AADAC: variants seen among roughly 807,000 people sequenced by gnomAD.
The protein encoded by AADAC is arylacetamide deacetylase.
In AADAC, 17 loss-of-function variants were observed where a neutral mutation model predicts 22.7. The ratio of observed to expected loss-of-function variants is 0.75; its 90% CI spans 0.51 to 1.12. AADAC has a LOEUF of 1.12. Among genes scored for constraint, AADAC ranks in the 50% most tolerant of loss-of-function variants. The pLI, the probability that AADAC is intolerant of heterozygous loss-of-function variation, is 0.00. For missense variants in AADAC, 465 were observed against 473.9 expected (o/e 0.98, Z 0.17); for synonymous variants, 167 against 176.3 (o/e 0.95, Z 0.42).
intron 4 of AADAC, 96 bp downstream of exon 4, chr3:151,824,930 A>C: frequency 1.0e-6 from 1 of 986,508 alleles, no homozygotes; most frequent in Non-Finnish European, 1.4e-6. Context: ...TTAAAATATG[A>C]ATGCAAATAG....
At position 151,818,426 on chromosome 3, in the gene AADAC, T is replaced by C. The variant is rs150477833; in HGVS notation, c.361+838T>C. On this transcript the variant is annotated intron_variant, in intron 2 of 4. Coordinates refer to ENST00000232892, the MANE Select transcript of AADAC (RefSeq NM_001086.3). ...ACAAATTAAATTTAACAGAGTTTAA[T>C]TGAGCAAAGAACTACTTGTGGATCA... Among the ~76,000 whole-genome samples the C allele has an allele frequency of 1.1e-4, 17 of 152,148 alleles. No individual in the cohort carries two copies. The East Asian group carries it at 2.1e-3, about 19-fold the overall frequency.
At position 151,820,730 on chromosome 3, in the gene AADAC, C is replaced by T. The variant is rs1169108279; in HGVS notation, c.431+278C>T. On this transcript the variant is annotated intron_variant, in intron 3 of 4. Transcript: ENST00000232892. ...ATGGGGTTTCACCATGTTGGTCAGGCGTGTCTTAAACTCCTGACCTCAGAT... is the reference window on the plus strand; with the variant it reads ...ATGGGGTTTCACCATGTTGGTCAGGTGTGTCTTAAACTCCTGACCTCAGAT... Among the ~76,000 whole-genome samples, 8 of 65,048 alleles carry T rather than the reference C, an allele frequency of 1.2e-4. 2 individuals carry two copies. The highest frequency in any genetic ancestry group is 2.9e-4 in the Non-Finnish European group (8 of 27,646). The allele number at this position is 65,048 out of a possible 152,430, so 42.7% of individuals were successfully genotyped here.
At chr3:151,822,569 T>C (rs912711055) in intron 3 of AADAC, among the ~76,000 whole-genome samples, 5 of 152,064 alleles carry the variant, frequency 3.3e-5, no homozygotes, top group African/African-American at 9.7e-5. Flanking sequence ...CATTTGTTAA[T>C]AAAAGGACCA....
chr3:151,816,423 C>A (rs1187736723), intron 1 of AADAC, among the ~76,000 whole-genome samples: 6 of 152,050 alleles, frequency 3.9e-5, no homozygotes, highest in Admixed American at 3.3e-4. Flanking sequence ...ACCTGCTGTT[C>A]GCTCCCAAAG....
In AADAC at chr3:151,828,198, T is replaced by TA; in HGVS notation, c.*31dup. 1 of 1,360,016 alleles carries TA rather than the reference T, an allele frequency of 7.4e-7. No individual in the cohort carries two copies. Among genetic ancestry groups the TA allele is most frequent in the Middle Eastern group, 2.0e-4 (1 of 5,076 alleles). 84.2% of individuals were successfully genotyped at this position (1,360,016 alleles called of 1,614,324 possible). On this transcript the variant is annotated 3_prime_UTR_variant, in exon 5 of 5. Transcript: ENST00000232892. ...TAAAACATGTAGCTATAACATATTTTAAAAATAAAATCTGAAAACCTCAGA... is the reference window on the plus strand; with the variant it reads ...TAAAACATGTAGCTATAACATATTTTAAAAAATAAAATCTGAAAACCTCAGA...
chr3:151,814,224 C>T lies in AADAC; in HGVS notation c.62C>T (p.Thr21Met), dbSNP rs763301411. The T allele has an allele frequency of 5.0e-6, 8 of 1,612,814 alleles. No individual in the cohort carries two copies. Among genetic ancestry groups the T allele is most frequent in the African/African-American group, 2.7e-5 (2 of 74,848 alleles). The stretch of plus-strand genomic sequence containing the variant: ...ATCCTCATAGCATATTATATTTATA[C>T]GCCTCTCCCAGATAACGTTGAGGAG... The part of the protein sequence containing the change: ...VGILIAYYIY[T>M]PLPDNVEEPW... The change falls in exon 1 of 5, where the codon ACG becomes ATG. Residue 21 changes from threonine to methionine, a missense_variant. Transcript: ENST00000232892.
intron 2 of AADAC, among the ~76,000 whole-genome samples, chr3:151,819,224 A>G (rs762231214): frequency 2.6e-5 from 4 of 152,032 alleles, no homozygotes; most frequent in Non-Finnish European, 5.9e-5. Flanking sequence ...GCAGACAGCA[A>G]AGCACTGAGG....
chr3:151,828,346 T>C lies in AADAC; in HGVS notation c.*174T>C. On this transcript the variant is annotated 3_prime_UTR_variant, in exon 5 of 5. Coordinates refer to ENST00000232892, the MANE Select transcript of AADAC (RefSeq NM_001086.3). ...ACTGTGGGATTTCATTTCAATTTTC[T>C]ACATTGTCTATCTGCTTTTTCTGAG... is the stretch of plus-strand genomic sequence containing the variant. 2.5e-6 allele frequency: 1 copy of C among 401,866 alleles called. No homozygotes were observed. The highest frequency in any genetic ancestry group is 4.4e-6 in the Non-Finnish European group (1 of 226,996). The allele number at this position is 401,866 out of a possible 1,614,324, so 24.9% of individuals were successfully genotyped here. A position where few individuals can be genotyped will look rare whatever the true frequency, so the allele number is the denominator to read the frequency against.
rs142718025 is a variant in AADAC at position 151,825,602 on chromosome 3, C to T, written c.603+768C>T. On this transcript the variant is annotated intron_variant, in intron 4 of 4. Transcript: ENST00000232892. ...AACACATTCAAAGATTCCCATGCTA[C>T]TTACAAAGAAGAAATATGAAGAATT... Among the ~76,000 whole-genome samples the T allele has an allele frequency of 3.9e-3, 589 of 151,816 alleles. 3 individuals are homozygous for T. The highest frequency in any genetic ancestry group is 0.014 in the African/African-American group (565 of 41,446).
intron 4 of AADAC, among the ~76,000 whole-genome samples, chr3:151,826,126 C>G (rs1716483697): frequency 6.6e-6 from 1 of 151,936 alleles, no homozygotes; most frequent in African/African-American, 2.4e-5. Flanking sequence ...AGCATTTTGA[C>G]TGCTAGAATC....
intron 4 of AADAC, among the ~76,000 whole-genome samples, chr3:151,825,615 A>C (rs1344745135): frequency 1.3e-5 from 2 of 151,904 alleles, no homozygotes; most frequent in African/African-American, 4.8e-5. Context: ...ACAAAGAAGA[A>C]ATATGAAGAA....
chr3:151,820,390 T>C lies in AADAC; in HGVS notation c.369T>C (p.Ser123=), dbSNP rs145320004. Reference sequence around the variant, plus strand: ...TTTATCCTTTTATTTCAGCTCTAAGTGGTTATGACTTGCTGTCAAGATGGA... The same window carrying C: ...TTTATCCTTTTATTTCAGCTCTAAGCGGTTATGACTTGCTGTCAAGATGGA... ...GGWCVGSAAL[S]GYDLLSRWTA... Residue 123 remains serine, a synonymous_variant, in exon 3 of 5, where the codon AGT becomes AGC. Coordinates refer to ENST00000232892, the MANE Select transcript of AADAC (RefSeq NM_001086.3). 9.5e-6 allele frequency: 15 copies of C among 1,581,390 alleles called. No individual in the cohort carries two copies. The African/African-American group carries it at 2.0e-4, about 21-fold the overall frequency.
chr3:151,825,039 T>C (rs1448218171), intron 4 of AADAC, among the ~76,000 whole-genome samples: 1 of 151,794 alleles, frequency 6.6e-6, no homozygotes, highest in African/African-American at 2.4e-5. Context: ...TTTTTTTTTC[T>C]TCCTTAAGGG....
In AADAC at chr3:151,814,142, C is replaced by G; in HGVS notation, c.-21C>G. On this transcript the variant is annotated 5_prime_UTR_variant, in exon 1 of 5. Transcript: ENST00000232892. ...GGTTTACTTTCTGTGTTTCTAGAGACCAAGAAGCGGGACGTTCACCATGGG... is the reference window on the plus strand; with the variant it reads ...GGTTTACTTTCTGTGTTTCTAGAGAGCAAGAAGCGGGACGTTCACCATGGG... 1 of 1,612,860 alleles carries G rather than the reference C, an allele frequency of 6.2e-7. No individual in the cohort carries two copies. Among genetic ancestry groups the G allele is most frequent in the Non-Finnish European group, 8.5e-7 (1 of 1,179,078 alleles).
At chr3:151,822,156 AAT>A in intron 3 of AADAC, among the ~76,000 whole-genome samples, 1 of 151,880 alleles carries the variant, frequency 6.6e-6, no homozygotes. Context: ...GGATGGGTAT[AAT>A]ATATATATTT....
chr3:151,825,593 C>A (rs1716456096), intron 4 of AADAC, among the ~76,000 whole-genome samples: 1 of 151,706 alleles, frequency 6.6e-6, no homozygotes, highest in Non-Finnish European at 1.5e-5. Context: ...TTCAAAGATT[C>A]CCATGCTACT....
At position 151,824,646 on chromosome 3, in the gene AADAC, A is replaced by T. The variant is rs771151853; in HGVS notation, c.432-17A>T. The T allele has an allele frequency of 6.7e-7, 1 of 1,489,266 alleles. No individual in the cohort carries two copies. Among genetic ancestry groups the T allele is most frequent in the Non-Finnish European group, 8.9e-7 (1 of 1,119,782 alleles). The allele number at this position is 1,489,266 out of a possible 1,614,324, so 92.3% of individuals were successfully genotyped here. Reference sequence around the variant, plus strand: ...AAACAAACAAAAAAATGTGTAAACTATGTTTTCTCTCTACAGCTACAGATT... The same window carrying T: ...AAACAAACAAAAAAATGTGTAAACTTTGTTTTCTCTCTACAGCTACAGATT... On this transcript the variant is annotated splice_polypyrimidine_tract_variant and intron_variant, in intron 3 of 4. Transcript: ENST00000232892.
intron 2 of AADAC, 21 bp downstream of exon 2, chr3:151,817,609 ATC>A (rs1716048505): frequency 1.2e-6 from 2 of 1,605,192 alleles, no homozygotes; most frequent in African/African-American, 1.3e-5. Flanking sequence ...GCTTTGAAAA[ATC>A]TCTGTCACTG....
chr3:151,827,476 G>A (rs1716546292), intron 4 of AADAC, 100 bp from the exon 5 acceptor site: 1 of 743,912 alleles, frequency 1.3e-6, no homozygotes, highest in Admixed American at 2.7e-5. Context: ...TGAATAGATA[G>A]ATAGATAAAA....
Sources: allele counts gnomAD v4.1 joint callset (sites outside exome capture counted in the v4.1 genomes callset), GRCh38; gene constraint gnomAD v4.1.1; transcripts MANE v1.5; gene names NCBI Gene and HGNC (gene_info 2026-07-23, HGNC 2026-07-21).